CDC42BPA: variants seen among roughly 807,000 people sequenced by gnomAD.
CDC42BPA encodes the protein serine/threonine-protein kinase MRCK alpha.
CDC42BPA carries 80 observed loss-of-function variants against 223.5 expected under a neutral mutation model. The ratio of observed to expected loss-of-function variants is 0.36; its 90% CI spans 0.30 to 0.43. The LOEUF is 0.43. Among genes scored for constraint, CDC42BPA ranks in the 20% least tolerant of loss-of-function variants. The pLI is 1.00. For synonymous variants in CDC42BPA, 694 were observed against 718.6 expected, an observed-to-expected ratio of 0.97 and a Z score of 0.55; for missense variants, 1,743 against 2,099.9, an observed-to-expected ratio of 0.83 and a Z score of 3.32.
intron 6 of CDC42BPA, among the ~76,000 whole-genome samples, chr1:227,152,384 T>C (rs1661951261): frequency 6.6e-6 from 1 of 152,234 alleles, no homozygotes; most frequent in African/African-American, 2.4e-5. Context: ...TTGACCGATT[T>C]TGAGTTAATT....
intron 5 of CDC42BPA, among the ~76,000 whole-genome samples, chr1:227,164,995 G>A (rs2149852118): frequency 6.6e-6 from 1 of 152,256 alleles, no homozygotes; most frequent in East Asian, 1.9e-4. Flanking sequence ...GGATAAGAAT[G>A]TAACAACTGA....
At chr1:227,302,064 T>A (rs1055582747) in intron 1 of CDC42BPA, among the ~76,000 whole-genome samples, 2 of 152,200 alleles carry the variant, frequency 1.3e-5, no homozygotes, top group African/African-American at 4.8e-5. Context: ...ATCCTGTCTG[T>A]TATGGTTCAC....
intron 4 of CDC42BPA, among the ~76,000 whole-genome samples, chr1:227,196,603 T>C (rs1428502926): frequency 2.0e-5 from 3 of 152,122 alleles, no homozygotes; most frequent in Non-Finnish European, 4.4e-5. Flanking sequence ...CCTCCCAAAG[T>C]GCTGGGATTA....
rs140091366 is a variant in CDC42BPA at position 227,129,714 on chromosome 1, T to TATATATATATATATATATATAC, written c.1391-484_1391-483insGTATATATATATATATATATAT. Among the ~76,000 whole-genome samples, 198 of 105,772 alleles carry TATATATATATATATATATATAC rather than the reference T, an allele frequency of 1.9e-3. 3 individuals are homozygous for TATATATATATATATATATATAC. Among genetic ancestry groups the TATATATATATATATATATATAC allele is most frequent in the Non-Finnish European group, 2.4e-3 (128 of 52,286 alleles). The allele number at this position is 105,772 out of a possible 152,430, so 69.4% of individuals were successfully genotyped here. On this transcript the variant is annotated intron_variant, in intron 10 of 36. Transcript: ENST00000366766. ...AAAAAATCCACTGCATATATATATA[T>TATATATATATATATATATATAC]ACAAAAGAATCCACCTTCTAATAAT...
At position 227,280,571 on chromosome 1, in the gene CDC42BPA, T is replaced by C. The variant is rs556740454; in HGVS notation, c.179-26416A>G. Among the ~76,000 whole-genome samples the C allele has an allele frequency of 7.9e-4, 120 of 152,368 alleles. 2 individuals carry two copies. The highest frequency in any genetic ancestry group is 6.8e-3 in the Middle Eastern group (2 of 294). ...CTGAAAATTGATTCCCTTAAAACTATATGCATCCGCATATCCCTTGGAAAG... is the reference window on the plus strand; with the variant it reads ...CTGAAAATTGATTCCCTTAAAACTACATGCATCCGCATATCCCTTGGAAAG... On this transcript the variant is annotated intron_variant, in intron 1 of 36. Transcript: ENST00000366766.
chr1:227,146,200 C>T (rs543801554), intron 7 of CDC42BPA, among the ~76,000 whole-genome samples: 3 of 152,034 alleles, frequency 2.0e-5, no homozygotes, highest in Non-Finnish European at 4.4e-5. Context: ...GGTGGGTACT[C>T]CTACTATGCT....
intron 14 of CDC42BPA, among the ~76,000 whole-genome samples, chr1:227,111,390 C>G (rs1474684901): frequency 6.6e-6 from 1 of 152,168 alleles, no homozygotes; most frequent in Admixed American, 6.5e-5. Flanking sequence ...CTAACAGTTA[C>G]TGAACACTTA....
chr1:227,220,907 T>G (rs1179392155), intron 2 of CDC42BPA, among the ~76,000 whole-genome samples: 1 of 152,164 alleles, frequency 6.6e-6, no homozygotes, highest in Non-Finnish European at 1.5e-5. Flanking sequence ...TTTTACCTTT[T>G]CCTCAAGGAA....
chr1:227,315,291 A>G (rs1404097772), intron 1 of CDC42BPA, among the ~76,000 whole-genome samples: 3 of 152,070 alleles, frequency 2.0e-5, no homozygotes, highest in Non-Finnish European at 4.4e-5. Context: ...AAGAAAACAT[A>G]TTTAATGGAA....
intron 6 of CDC42BPA, among the ~76,000 whole-genome samples, chr1:227,151,500 G>A (rs1661749765): frequency 1.3e-5 from 2 of 152,106 alleles, no homozygotes; most frequent in African/African-American, 4.8e-5. Context: ...ATACCCAGAG[G>A]AGGAACTCTG....
chr1:227,305,693 T>A (rs1274983882), intron 1 of CDC42BPA, among the ~76,000 whole-genome samples: 1 of 151,924 alleles, frequency 6.6e-6, no homozygotes, highest in Non-Finnish European at 1.5e-5. Flanking sequence ...CTGCCGGGAG[T>A]GGTGGCTCAC....
intron 15 of CDC42BPA, among the ~76,000 whole-genome samples, chr1:227,100,747 A>AGTGTGTGTGTGTGTGT (rs57210205): frequency 0.044 from 6,007 of 137,262 alleles, 187 homozygotes; most frequent in Middle Eastern, 0.075. Context: ...ATACCCAGCT[A>AGTGTGTGTGTGTGTGT]GTGTGTGTGT....
intron 23 of CDC42BPA, among the ~76,000 whole-genome samples, chr1:227,043,445 T>A (rs1274209135): frequency 1.3e-5 from 2 of 151,992 alleles, no homozygotes; most frequent in African/African-American, 4.8e-5. Context: ...ATTTTCTTTT[T>A]AAAAATATTT....
chr1:227,142,391 A>C (rs1352564948), intron 9 of CDC42BPA, among the ~76,000 whole-genome samples: 1 of 152,150 alleles, frequency 6.6e-6, no homozygotes, highest in African/African-American at 2.4e-5. Flanking sequence ...AAACTCTTCT[A>C]ATTACTGCTT....
intron 6 of CDC42BPA, among the ~76,000 whole-genome samples, chr1:227,151,757 T>C (rs1661796875): frequency 6.6e-6 from 1 of 151,962 alleles, no homozygotes; most frequent in African/African-American, 2.4e-5. Flanking sequence ...CATTTAAATA[T>C]CTTCTTTGGA....
chr1:227,101,077 GTTCT>G lies in CDC42BPA; in HGVS notation c.2160_2163del (p.Lys720AsnfsTer17), dbSNP rs1558498766. 2 of 1,571,844 alleles carry G rather than the reference GTTCT, an allele frequency of 1.3e-6. No homozygotes were observed. The highest frequency in any genetic ancestry group is 8.8e-7 in the Non-Finnish European group (1 of 1,142,430). ...AGTTGCTGACCTTCTGAATCATGCA[GTTCT>G]TTCTTAAGATTTTTTATTTCATTTG... is the stretch of plus-strand genomic sequence containing the variant. On this transcript the variant is annotated frameshift_variant, in exon 15 of 37. Coordinates refer to ENST00000366766, the MANE Select transcript of CDC42BPA (RefSeq NM_001394014.1). LOFTEE classifies it high-confidence loss of function.
chr1:227,130,529 G>A (rs1201588191), intron 10 of CDC42BPA, among the ~76,000 whole-genome samples: 2 of 151,984 alleles, frequency 1.3e-5, no homozygotes, highest in Admixed American at 1.3e-4. Flanking sequence ...ATCTAAATTG[G>A]GGGTAGAAAA....
chr1:227,119,831 T>A lies in CDC42BPA; in HGVS notation c.1620A>T (p.Leu540Phe). 1 of 1,592,968 alleles carries A rather than the reference T, an allele frequency of 6.3e-7. No individual in the cohort carries two copies. The highest frequency in any genetic ancestry group is 8.6e-7 in the Non-Finnish European group (1 of 1,166,564). The part of the protein sequence containing the change: ...IKAYEKQIKT[L>F]QQEREDLNKE... ...TATTTAGATCTTCTCTTTCTTGTTG[T>A]AACGTTTTGATTTGTTTTTCATAAG... Residue 540 changes from leucine to phenylalanine, a missense_variant, in exon 12 of 37, where the codon TTA becomes TTT. Coordinates refer to ENST00000366766, the MANE Select transcript of CDC42BPA (RefSeq NM_001394014.1).
intron 1 of CDC42BPA, chr1:227,264,935 T>A: frequency 8.8e-7 from 1 of 1,138,942 alleles, no homozygotes; most frequent in Middle Eastern, 2.3e-4. Flanking sequence ...CTCGGTATAT[T>A]CATGGATTAT....
Sources: allele counts gnomAD v4.1 joint callset (sites outside exome capture counted in the v4.1 genomes callset), GRCh38; gene constraint gnomAD v4.1.1; transcripts MANE v1.5; gene names NCBI Gene and HGNC (gene_info 2026-07-23, HGNC 2026-07-21).